The following NSMCE4A variants were observed in gnomAD, a reference collection of about 807,000 sequenced individuals.
NSMCE4A encodes NSE4A component of SMC5/6 complex, also known as non-structural maintenance of chromosomes element 4 homolog A.
In NSMCE4A, 40 loss-of-function variants were observed where a neutral mutation model predicts 47.9. The observed-to-expected ratio is 0.83, with a 90% CI of 0.65 to 1.09. The LOEUF (loss-of-function observed/expected upper bound fraction) is 1.09. NSMCE4A is among the 50% of genes least tolerant of loss of function. The pLI is 0.00. For missense variants in NSMCE4A, 500 were observed against 507.0 expected, an observed-to-expected ratio of 0.99 and a Z score of 0.13; for synonymous variants, 166 against 178.5, an observed-to-expected ratio of 0.93 and a Z score of 0.56.
intron 1 of NSMCE4A, chr10:121,974,471 G>C (rs1403730869): frequency 7.9e-6 from 8 of 1,007,852 alleles, no homozygotes; most frequent in Non-Finnish European, 9.5e-6. Flanking sequence ...GTCCGAGAAC[G>C]TGCATTTGAC....
chr10:121,969,115 C>G (rs989943484), intron 3 of NSMCE4A, among the ~76,000 whole-genome samples: 1 of 152,164 alleles, frequency 6.6e-6, no homozygotes, highest in Non-Finnish European at 1.5e-5. Flanking sequence ...GAAGTCCAGG[C>G]GGGTGGATCA....
At chr10:121,962,070 A>G (rs1952509746) in intron 6 of NSMCE4A, 1 of 383,300 alleles carries the variant, frequency 2.6e-6, no homozygotes, top group Non-Finnish European at 5.1e-6. Context: ...AGATGGTGCC[A>G]CTGCATTCCA....
chr10:121,972,681 C>A (rs1014856613), intron 2 of NSMCE4A, among the ~76,000 whole-genome samples: 8 of 152,202 alleles, frequency 5.3e-5, no homozygotes, highest in Admixed American at 4.6e-4. Flanking sequence ...GCAAGACTAA[C>A]AGTAAGGAGA....
At chr10:121,972,011 A>G (rs1389755817) in intron 2 of NSMCE4A, among the ~76,000 whole-genome samples, 1 of 152,222 alleles carries the variant, frequency 6.6e-6, no homozygotes, top group East Asian at 1.9e-4. Flanking sequence ...AGCTATGGAA[A>G]AAAAAGATTT....
chr10:121,961,921 G>A, intron 6 of NSMCE4A: 1 of 230,804 alleles, frequency 4.3e-6, no homozygotes, highest in South Asian at 4.7e-5. Flanking sequence ...TGGCCAACAT[G>A]GCGAAACAAT....
intron 6 of NSMCE4A, chr10:121,961,838 C>T (rs936845025): frequency 4.0e-6 from 1 of 250,556 alleles, no homozygotes; most frequent in Non-Finnish European, 7.7e-6. Context: ...GCATGGCACT[C>T]ACACCTGTAA....
Position 121,957,131 on chromosome 10 carries a change from C to G in NSMCE4A, c.*141G>C, listed in dbSNP as rs1174622773. 1 of 152,538 alleles carries G rather than the reference C, an allele frequency of 6.6e-6. No homozygotes were observed. The highest frequency in any genetic ancestry group is 1.5e-5 in the Non-Finnish European group (1 of 68,008). The allele number at this position is 152,538 out of a possible 1,614,324, so 9.4% of individuals were successfully genotyped here. On this transcript the variant is annotated 3_prime_UTR_variant, in exon 11 of 11. Coordinates refer to ENST00000369023, the MANE Select transcript of NSMCE4A (RefSeq NM_017615.3). ...GTGAGTTTCCTTTAATCAAAGACAA[C>G]CATGACAAATTTATTAACTATCAAA...
At position 121,957,231 on chromosome 10, in the gene NSMCE4A, CG is replaced by C. The variant is rs1486376348; in HGVS notation, c.*40del. The C allele has an allele frequency of 6.6e-6, 1 of 152,508 alleles. No homozygotes were observed. The highest frequency in any genetic ancestry group is 1.5e-5 in the Non-Finnish European group (1 of 68,028). The allele number at this position is 152,508 out of a possible 1,614,324, so 9.4% of individuals were successfully genotyped here. On this transcript the variant is annotated 3_prime_UTR_variant, in exon 11 of 11. Transcript: ENST00000369023. ...AATATGTACGATACATGCCGCTTTC[CG>C]TTTTGGACTTCACTATCCATTTGAG...
Position 121,967,652 on chromosome 10 carries a change from T to C in NSMCE4A, c.653+3A>G. The C allele has an allele frequency of 3.1e-6, 5 of 1,602,406 alleles. No homozygotes were observed. The highest frequency in any genetic ancestry group is 4.2e-6 in the Non-Finnish European group (5 of 1,177,320). On this transcript the variant is annotated splice_donor_region_variant and intron_variant, in intron 4 of 10. Transcript: ENST00000369023. ...GTCTGTTGGATTTTTAAAATAATCTTACAGAAAGTGGAATGTATGGGTTTT... is the reference window on the plus strand; with the variant it reads ...GTCTGTTGGATTTTTAAAATAATCTCACAGAAAGTGGAATGTATGGGTTTT...
chr10:121,973,488 G>T (rs368663576), intron 2 of NSMCE4A, among the ~76,000 whole-genome samples: 2 of 152,180 alleles, frequency 1.3e-5, no homozygotes, highest in Admixed American at 6.6e-5. Flanking sequence ...AGTGCTCTGG[G>T]ATCTCTCTCA....
chr10:121,974,328 C>T, intron 1 of NSMCE4A: 2 of 1,293,378 alleles, frequency 1.5e-6, no homozygotes, highest in Non-Finnish European at 2.0e-6. Flanking sequence ...GGCTGGACTC[C>T]GGCTGCAGCC....
At position 121,975,112 on chromosome 10, in the gene NSMCE4A, G is replaced by T; in HGVS notation, c.54C>A (p.Asp18Glu). The T allele has an allele frequency of 7.0e-7, 1 of 1,429,790 alleles. No homozygotes were observed. Among genetic ancestry groups the T allele is most frequent in the Admixed American group, 3.3e-5 (1 of 30,242 alleles). The allele number at this position is 1,429,790 out of a possible 1,614,324, so 88.6% of individuals were successfully genotyped here. Residue 18 changes from aspartate to glutamate, a missense_variant, in exon 1 of 11, where the codon GAC becomes GAA. By Grantham distance (45) the Asp-to-Glu change is conservative. Coordinates refer to ENST00000369023, the MANE Select transcript of NSMCE4A (RefSeq NM_017615.3). ...GGGAGCGGGTGCGATCCCGATGCGGGTCGCGGCCCCGGCCCCGGCCCTCTG... is the reference window on the plus strand; with the variant it reads ...GGGAGCGGGTGCGATCCCGATGCGGTTCGCGGCCCCGGCCCCGGCCCTCTG... Reference protein sequence around the residue: ...RGPEGRGRGRDPHRDRTRSRS... With the variant: ...RGPEGRGRGREPHRDRTRSRS...
chr10:121,964,715 C>T (rs1230168730), intron 5 of NSMCE4A, among the ~76,000 whole-genome samples: 8 of 152,270 alleles, frequency 5.3e-5, no homozygotes, highest in African/African-American at 1.9e-4. Flanking sequence ...GCTGGGATTA[C>T]AGGCGTAAGC....
intron 2 of NSMCE4A, 74 bp from the exon 3 acceptor site, chr10:121,971,143 A>G: frequency 7.5e-7 from 1 of 1,329,362 alleles, no homozygotes; most frequent in East Asian, 2.4e-5. Context: ...TACATTTCCA[A>G]CTACTTACCA....
At chr10:121,962,075 A>C (rs578125171) in intron 6 of NSMCE4A, 2 of 389,404 alleles carry the variant, frequency 5.1e-6, no homozygotes, top group East Asian at 1.9e-4. Context: ...GTGCCACTGC[A>C]TTCCAGTCTG....
In NSMCE4A at chr10:121,969,692, T is replaced by A. The variant is rs187263130; in HGVS notation, c.501+1247A>T. ...GCAGCTATCTGTGCTAGGACAGAGG[T>A]TGGCTCAGATTGACAGATTGACTGA... On this transcript the variant is annotated intron_variant, in intron 3 of 10. Coordinates refer to ENST00000369023, the MANE Select transcript of NSMCE4A (RefSeq NM_017615.3). Among the ~76,000 whole-genome samples, 289 of 152,266 alleles carry A rather than the reference T, an allele frequency of 1.9e-3. 1 individual carries two copies. Among genetic ancestry groups the A allele is most frequent in the African/African-American group, 6.7e-3 (278 of 41,546 alleles).
In NSMCE4A at chr10:121,967,733, A is replaced by T. The variant is rs754732924; in HGVS notation, c.575T>A (p.Phe192Tyr). The T allele has an allele frequency of 2.5e-6, 4 of 1,614,074 alleles. No individual in the cohort carries two copies. Among genetic ancestry groups the T allele is most frequent in the Admixed American group, 1.7e-5 (1 of 60,004 alleles). ...IRDEDSPDFE[F>Y]IVYDSWKITG... ...TATCTTCCAGGAGTCATAGACTATG[A>T]ATTCAAAATCAGGACTATCTTCATC... The change falls in exon 4 of 11, where the codon TTC becomes TAC. Residue 192 changes from phenylalanine to tyrosine, a missense_variant. Transcript: ENST00000369023.
Position 121,967,686 on chromosome 10 carries a change from T to G in NSMCE4A, c.622A>C (p.Thr208Pro). ...TGGAATGTATGGGTTTTATTAAAGG[T>G]GTTTTCTGCTGTTCTGCCTGTTATC... ...WKITGRTAENTFNKTHTFHFL... is the reference protein window; with the variant it reads ...WKITGRTAENPFNKTHTFHFL... Residue 208 changes from threonine (T) to proline (P), a missense_variant, in exon 4 of 11, where the codon ACC becomes CCC. Thr to Pro is a conservative substitution (Grantham distance 38). Coordinates refer to ENST00000369023, the MANE Select transcript of NSMCE4A (RefSeq NM_017615.3). 6.2e-7 allele frequency: 1 copy of G among 1,612,830 alleles called. No homozygotes were observed. The highest frequency in any genetic ancestry group is 8.5e-7 in the Non-Finnish European group (1 of 1,179,796).
At chr10:121,964,211 C>T (rs1439883339) in intron 5 of NSMCE4A, among the ~76,000 whole-genome samples, 2 of 142,394 alleles carry the variant, frequency 1.4e-5, no homozygotes, top group Non-Finnish European at 3.0e-5. Flanking sequence ...GGTGCCATCT[C>T]GGCTCACTGC....
Sources: gnomAD v4.1 joint callset for allele counts (sites outside exome capture counted in the v4.1 genomes callset) on GRCh38, gnomAD v4.1.1 for gene constraint, MANE v1.5 for transcripts, NCBI Gene and HGNC (gene_info 2026-07-23, HGNC 2026-07-21) for gene names.